NFS1: variants seen among roughly 807,000 people sequenced by gnomAD.
NFS1 encodes cysteine desulfurase.
A neutral mutation model predicts 57.3 loss-of-function variants in NFS1; 26 were observed. The ratio of observed to expected loss-of-function variants is 0.45; its 90% CI spans 0.33 to 0.63. NFS1 has a LOEUF of 0.63. Ranked by LOEUF, NFS1 falls within the 20% of genes least tolerant of loss-of-function variation. NFS1 has a pLI of 0.02. For synonymous variants in NFS1, 209 were observed against 216.3 expected (o/e 0.97, Z 0.30); for missense variants, 505 against 605.8 (o/e 0.83, Z 1.75).
intron 1 of NFS1, chr20:35,698,948 C>T: frequency 1.5e-6 from 2 of 1,316,922 alleles, no homozygotes; most frequent in Non-Finnish European, 9.6e-7. Context: ...TGTAACTTGG[C>T]CAGGAGCGGT....
chr20:35,699,166 TC>T lies in NFS1; in HGVS notation c.97+25del. The T allele has an allele frequency of 7.2e-7, 1 of 1,388,530 alleles. No individual in the cohort carries two copies. The highest frequency in any genetic ancestry group is 9.3e-7 in the Non-Finnish European group (1 of 1,080,604). 86.0% of individuals were successfully genotyped at this position (1,388,530 alleles called of 1,614,324 possible). On this transcript the variant is annotated intron_variant, in intron 1 of 12. Transcript: ENST00000374092. This position sits in a 1 kb window ranked among gnomAD's most constrained non-coding sequence, Gnocchi z 4.4. ...CGCGCGGAGGGGACAGGTCCGCGCC[TC>T]CCGGAGAGCGGGACCCGAGCGTACC...
At position 35,675,103 on chromosome 20, in the gene NFS1, G is replaced by A. The variant is rs2034718922; in HGVS notation, c.890C>T (p.Pro297Leu). Residue 297 changes from proline to leucine, a missense_variant, in exon 8 of 13, where the codon CCC (proline) becomes CTC (leucine). Coordinates refer to ENST00000374092, the MANE Select transcript of NFS1 (RefSeq NM_021100.5). ...QERGMRSGTVPTPLVVGLGAA... is the reference protein window; with the variant it reads ...QERGMRSGTVLTPLVVGLGAA... ...CCCCAGCCCCACCACTAAGGGTGTG[G>A]GCACTGTCCCAGACCGCATACCCCG... 6.2e-7 allele frequency: 1 copy of A among 1,613,914 alleles called. No individual in the cohort carries two copies. The highest frequency in any genetic ancestry group is 1.3e-5 in the African/African-American group (1 of 74,916).
chr20:35,675,232 G>A, intron 7 of NFS1, 30 bp from the exon 8 acceptor site: 1 of 1,562,202 alleles, frequency 6.4e-7, no homozygotes, highest in Non-Finnish European at 8.7e-7. Context: ...ACAAAAAACA[G>A]AAAGAGAGAA....
intron 5 of NFS1, among the ~76,000 whole-genome samples, chr20:35,683,461 A>G (rs1432964309): frequency 6.6e-6 from 1 of 151,404 alleles, no homozygotes; most frequent in African/African-American, 2.4e-5. Context: ...CAGCCTGGGC[A>G]ACAGAGTGAG....
In NFS1 at chr20:35,668,752, C is replaced by CA. The variant is rs1227168469; in HGVS notation, c.*869dup. On this transcript the variant is annotated 3_prime_UTR_variant, in exon 13 of 13. Coordinates refer to ENST00000374092, the MANE Select transcript of NFS1 (RefSeq NM_021100.5). ...CATCTCTCCACTAAAATTTAAAACTCAGTGAGGGCAGGGTCTTTTTTGGTC... is the reference window on the plus strand; with the variant it reads ...CATCTCTCCACTAAAATTTAAAACTCAAGTGAGGGCAGGGTCTTTTTTGGTC... The CA allele has an allele frequency of 6.6e-6, 1 of 152,188 alleles. No individual in the cohort carries two copies. The highest frequency in any genetic ancestry group is 2.4e-5 in the African/African-American group (1 of 41,432). The allele number at this position is 152,188 out of a possible 1,614,324, so 9.4% of individuals were successfully genotyped here.
intron 7 of NFS1, chr20:35,675,989 A>G (rs1253783383): frequency 1.3e-5 from 2 of 152,188 alleles, no homozygotes; most frequent in African/African-American, 2.4e-5. Flanking sequence ...TAGCTTGAAA[A>G]AACAAAGATG....
In NFS1 at chr20:35,675,025, G is replaced by A. The variant is rs769244132; in HGVS notation, c.948+20C>T. 31 of 1,613,748 alleles carry A rather than the reference G, an allele frequency of 1.9e-5. 1 individual carries two copies. In the South Asian group the frequency reaches 3.3e-4, roughly 17 times the overall value. ...CAGCACAGGGGAAGAAGTTGTGGGA[G>A]GGAACTGCTCTCCCCATACCTCCAT... On this transcript the variant is annotated intron_variant, in intron 8 of 12. Coordinates refer to ENST00000374092, the MANE Select transcript of NFS1 (RefSeq NM_021100.5).
At position 35,687,263 on chromosome 20, in the gene NFS1, G is replaced by A. The variant is rs150815485; in HGVS notation, c.561+3150C>T. 6.3e-3 allele frequency among the ~76,000 whole-genome samples: 966 copies of A among 152,306 alleles called. 8 individuals are homozygous for A. The highest frequency in any genetic ancestry group is 0.04 in the East Asian group (209 of 5,186). On this transcript the variant is annotated intron_variant, in intron 5 of 12. Transcript: ENST00000374092. ...TCTGGAGGCCTAACCGTCTCCCTGT[G>A]ATGCTGTGCTTCAGTGGTCACACTC...
chr20:35,670,977 C>A (rs1028342422), intron 12 of NFS1, among the ~76,000 whole-genome samples: 6 of 152,162 alleles, frequency 3.9e-5, no homozygotes, highest in African/African-American at 1.4e-4. Context: ...TCAAGGTTAA[C>A]CAAGACAGAG....
At chr20:35,673,766 C>T in intron 10 of NFS1, 82 bp from the exon 11 acceptor site, 2 of 1,143,296 alleles carry the variant, frequency 1.7e-6, no homozygotes, top group Non-Finnish European at 1.3e-6. Context: ...GTTCCCATCC[C>T]CCAGGGCCCT....
chr20:35,698,711 C>A, intron 1 of NFS1, 121 bp from the exon 2 acceptor site: 3 of 1,419,224 alleles, frequency 2.1e-6, no homozygotes, highest in South Asian at 1.5e-5. Flanking sequence ...ATGCTAGGGT[C>A]GAATCTCAAT....
At chr20:35,696,017 C>T (rs776824619) in intron 4 of NFS1, among the ~76,000 whole-genome samples, 6 of 150,198 alleles carry the variant, frequency 4.0e-5, no homozygotes, top group Admixed American at 6.7e-5. Context: ...TCCAGCCTGG[C>T]GACAGAGTGA....
At chr20:35,675,610 G>A (rs980104575) in intron 7 of NFS1, 3 of 180,930 alleles carry the variant, frequency 1.7e-5, no homozygotes. Flanking sequence ...CGGGTGTGGT[G>A]GTTCACGCCT....
rs760799059 is a variant in NFS1 at position 35,672,741 on chromosome 20, T to TA, written c.1310+13dup. On this transcript the variant is annotated intron_variant, in intron 12 of 12. Coordinates refer to ENST00000374092, the MANE Select transcript of NFS1 (RefSeq NM_021100.5). Reference sequence around the variant, plus strand: ...AGAGTTTCTTCCAAAGCGTCTCTGATACAATATGTATACCTCATTTCTCGA... The same window carrying TA: ...AGAGTTTCTTCCAAAGCGTCTCTGATAACAATATGTATACCTCATTTCTCGA... The TA allele has an allele frequency of 1.6e-5, 25 of 1,568,118 alleles. No individual in the cohort carries two copies. In the South Asian group the frequency reaches 2.8e-4, roughly 17 times the overall value.
rs546498530 is a variant in NFS1 at position 35,693,172 on chromosome 20, G to A, written c.409-2607C>T. Among the ~76,000 whole-genome samples, 40 of 151,554 alleles carry A rather than the reference G, an allele frequency of 2.6e-4. 2 individuals carry two copies. The South Asian group carries it at 4.0e-3, about 15-fold the overall frequency. ...GGCTGGAGTGCAGTGGTGTGGTCTC[G>A]GCCCACTGCAACCTCTGCCTCCCGA... On this transcript the variant is annotated intron_variant, in intron 4 of 12. Coordinates refer to ENST00000374092, the MANE Select transcript of NFS1 (RefSeq NM_021100.5).
chr20:35,672,243 C>T (rs1465498805), intron 12 of NFS1, among the ~76,000 whole-genome samples: 1 of 151,932 alleles, frequency 6.6e-6, no homozygotes, highest in Non-Finnish European at 1.5e-5. Context: ...CAGGTGTGAG[C>T]CACTGTGCCC....
At chr20:35,681,117 G>A (rs554612182) in intron 6 of NFS1, among the ~76,000 whole-genome samples, 2 of 150,648 alleles carry the variant, frequency 1.3e-5, no homozygotes, top group East Asian at 1.9e-4. Context: ...GCACCAGATC[G>A]AAACACTCGT....
chr20:35,676,776 AAAAAAAAAAC>A (rs1297430282), intron 7 of NFS1, among the ~76,000 whole-genome samples: 2 of 149,076 alleles, frequency 1.3e-5, no homozygotes, highest in Non-Finnish European at 3.0e-5. Flanking sequence ...AAAAAAAAAA[AAAAAAAAAAC>A]CAAGAAAGAA....
At chr20:35,697,831 G>C (rs758807531) in intron 2 of NFS1, 31 bp from the exon 3 acceptor site, 6 of 1,495,166 alleles carry the variant, frequency 4.0e-6, no homozygotes, top group Non-Finnish European at 5.5e-6. Context: ...CATTTTCCTT[G>C]AGCGCATCGT....
Sources: gnomAD v4.1 joint callset for allele counts (sites outside exome capture counted in the v4.1 genomes callset) on GRCh38, gnomAD v4.1.1 for gene constraint, Gnocchi (gnomAD v3.1) non-coding constraint, MANE v1.5 for transcripts, NCBI Gene and HGNC (gene_info 2026-07-23, HGNC 2026-07-21) for gene names.